Variants in TRRAP observed in about 807,000 individuals in gnomAD.
TRRAP encodes the protein transformation/transcription domain-associated protein.
In TRRAP, 41 loss-of-function variants were observed where a neutral mutation model predicts 438.8. That is an observed-to-expected ratio of 0.09 (90% confidence interval 0.07 to 0.12). The LOEUF is 0.12. Among genes scored for constraint, TRRAP ranks in the 10% least tolerant of loss-of-function variants. TRRAP has a pLI of 1.00. For synonymous variants in TRRAP, 1,994 were observed against 1,962.9 expected (o/e 1.02, Z -0.42); for missense variants, 3,122 against 5,055.1 (o/e 0.62, Z 11.60).
intron 67 of TRRAP, among the ~76,000 whole-genome samples, chr7:99,003,093 C>T (rs1241786724): frequency 6.6e-6 from 1 of 152,156 alleles, no homozygotes; most frequent in Non-Finnish European, 1.5e-5. Flanking sequence ...GGTGCCTCCT[C>T]GTGGCTCCCC....
chr7:98,997,382 C>T (rs2116827803), intron 67 of TRRAP, among the ~76,000 whole-genome samples: 1 of 148,912 alleles, frequency 6.7e-6, no homozygotes, highest in South Asian at 2.1e-4. Flanking sequence ...TACCAAGCCA[C>T]TCACCTAACT....
At chr7:98,937,062 T>C in intron 28 of TRRAP, 94 bp from the exon 29 acceptor site, 5 of 1,411,606 alleles carry the variant, frequency 3.5e-6, no homozygotes, top group Non-Finnish European at 2.8e-6. Flanking sequence ...ACACCTTCTC[T>C]ACCAAATAAT....
In TRRAP at chr7:98,878,823, C is replaced by T. The variant is rs540742843; in HGVS notation, c.-62+186C>T. On this transcript the variant is annotated intron_variant, in intron 1 of 72. Transcript: ENST00000456197. The stretch of plus-strand genomic sequence containing the variant: ...GGGGCCGATGGCGTTTGCGGCCGAG[C>T]TGAGAGGAAGCTGTGGGAGGCGCAG... 5.3e-4 allele frequency among the ~76,000 whole-genome samples: 81 copies of T among 152,196 alleles called. 1 individual carries two copies. The highest frequency in any genetic ancestry group is 1.9e-3 in the African/African-American group (77 of 41,568).
At position 98,949,499 on chromosome 7, in the gene TRRAP, C is replaced by CG. The variant is rs781980072; in HGVS notation, c.4877dup (p.Ala1627CysfsTer35). ...AACAGGTTCATCACCCTGCTGCTGC[C>CG]GGGGGGTGCCCAGACGGCTGTGCGC... On this transcript the variant is annotated frameshift_variant, in exon 36 of 73. Coordinates refer to ENST00000456197, the MANE Select transcript of TRRAP (RefSeq NM_001375524.1). LOFTEE classifies it high-confidence loss of function. 1 of 1,611,056 alleles carries CG rather than the reference C, an allele frequency of 6.2e-7. No individual in the cohort carries two copies.
At chr7:98,992,046 T>C (rs1584400388) in intron 64 of TRRAP, 91 bp from the exon 65 acceptor site, 1 of 1,435,302 alleles carries the variant, frequency 7.0e-7, no homozygotes, top group East Asian at 2.3e-5. Flanking sequence ...CACCTGTTTC[T>C]GACTTGACAT....
chr7:98,939,044 G>T (rs1191857094), intron 30 of TRRAP, among the ~76,000 whole-genome samples: 2 of 152,190 alleles, frequency 1.3e-5, no homozygotes, highest in Non-Finnish European at 2.9e-5. Flanking sequence ...GCGGATGGAG[G>T]ATTTCATCTG....
intron 28 of TRRAP, among the ~76,000 whole-genome samples, chr7:98,936,410 C>T (rs1487432433): frequency 1.3e-5 from 2 of 152,150 alleles, no homozygotes; most frequent in Non-Finnish European, 2.9e-5. Context: ...GGGGTCCCTT[C>T]TTTGGGGAAC....
chr7:99,003,156 GC>G (rs1794010940), intron 67 of TRRAP, among the ~76,000 whole-genome samples: 2 of 152,136 alleles, frequency 1.3e-5, no homozygotes, highest in Non-Finnish European at 2.9e-5. Context: ...ACCTCCAGTC[GC>G]CCTGGTGAGT....
At chr7:98,900,578 A>G (rs1454511525) in intron 10 of TRRAP, 46 bp from the exon 11 acceptor site, 1 of 1,498,966 alleles carries the variant, frequency 6.7e-7, no homozygotes, top group Non-Finnish European at 9.2e-7. Flanking sequence ...TAATACTAAC[A>G]TCACTCATAA....
intron 3 of TRRAP, among the ~76,000 whole-genome samples, chr7:98,887,729 CA>C (rs34834746): frequency 4.5e-5 from 4 of 88,658 alleles, no homozygotes; most frequent in Admixed American, 1.4e-4. Context: ...AACTCCGTCT[CA>C]AAAAAAAAAA....
rs111655372 is a variant in TRRAP, at chr7:98,879,188, C to T, written c.-62+551C>T. Among the ~76,000 whole-genome samples the T allele has an allele frequency of 5.1e-3, 782 of 152,298 alleles. 3 individuals carry two copies. Among genetic ancestry groups the T allele is most frequent in the African/African-American group, 0.017 (715 of 41,580 alleles). On this transcript the variant is annotated intron_variant, in intron 1 of 72. Transcript: ENST00000456197. ...TTTGTCCCCAGGAGTAGGAGCAGGC[C>T]CGGCGCCAGCCCGGCCTGGGCCTTC...
chr7:98,896,102 G>C (rs892337939), intron 7 of TRRAP, among the ~76,000 whole-genome samples: 2 of 152,124 alleles, frequency 1.3e-5, no homozygotes, highest in Non-Finnish European at 2.9e-5. Context: ...TTCATTTACT[G>C]GTAAGCAACC....
chr7:98,918,073 AT>A (rs1456217160), intron 20 of TRRAP, among the ~76,000 whole-genome samples: 2 of 151,312 alleles, frequency 1.3e-5, no homozygotes, highest in African/African-American at 4.9e-5. Flanking sequence ...GCGAGGCATG[AT>A]CACACTGCTG....
At chr7:98,984,028 C>G in intron 60 of TRRAP, 65 bp from the exon 61 acceptor site, 1 of 1,489,982 alleles carries the variant, frequency 6.7e-7, no homozygotes, top group Non-Finnish European at 8.9e-7. Context: ...TTTATTTAAG[C>G]CTTGTTGTGA....
chr7:98,955,382 C>A, intron 41 of TRRAP, 78 bp downstream of exon 41: 1 of 1,420,434 alleles, frequency 7.0e-7, no homozygotes, highest in South Asian at 1.4e-5. Context: ...TCTTGTTCTG[C>A]AATAATCAGG....
At chr7:98,963,658 C>T (rs1264546939) in intron 47 of TRRAP, among the ~76,000 whole-genome samples, 1 of 152,144 alleles carries the variant, frequency 6.6e-6, no homozygotes, top group Admixed American at 6.5e-5. Context: ...TCATGGGTTG[C>T]CTGGGTTACA....
At chr7:98,922,579 C>G (rs1554410820) in intron 21 of TRRAP, among the ~76,000 whole-genome samples, 1 of 152,160 alleles carries the variant, frequency 6.6e-6, no homozygotes, top group Admixed American at 6.5e-5. Context: ...TGGCTTTTCC[C>G]TCTGACTCTG....
chr7:99,011,545 C>T lies in TRRAP; in HGVS notation c.11337+10C>T, dbSNP rs1272471248. 6.2e-7 allele frequency: 1 copy of T among 1,611,144 alleles called. No homozygotes were observed. ...CCAGCCAAACTTTAAGGTGGGTCTCCACGTCGTCCTATCACAGGCGCAGGC... is the reference window on the plus strand; with the variant it reads ...CCAGCCAAACTTTAAGGTGGGTCTCTACGTCGTCCTATCACAGGCGCAGGC... On this transcript the variant is annotated intron_variant, in intron 72 of 72. Coordinates refer to ENST00000456197, the MANE Select transcript of TRRAP (RefSeq NM_001375524.1). The surrounding 1 kb of genome is among the most constrained non-coding windows in gnomAD (Gnocchi z 7.1).
rs976783148 is a variant in TRRAP, at chr7:98,908,179, T to C, written c.1116-549T>C. Among the ~76,000 whole-genome samples, 1 of 152,326 alleles carries C rather than the reference T, an allele frequency of 6.6e-6. No individual in the cohort carries two copies. Among genetic ancestry groups the C allele is most frequent in the African/African-American group, 2.4e-5 (1 of 41,578 alleles). ...CACATCCCCGCTAGCACTTACTAAC[T>C]TGTGTAGCTTATTTCTTTACTTGTG... On this transcript the variant is annotated intron_variant, in intron 13 of 72. Coordinates refer to ENST00000456197, the MANE Select transcript of TRRAP (RefSeq NM_001375524.1). The surrounding 1 kb of genome is among the most constrained non-coding windows in gnomAD (Gnocchi z 4.1).
Sources: allele counts gnomAD v4.1 joint callset (sites outside exome capture counted in the v4.1 genomes callset), GRCh38; gene constraint gnomAD v4.1.1; non-coding constraint Gnocchi (gnomAD v3.1); transcripts MANE v1.5; gene names NCBI Gene and HGNC (gene_info 2026-07-23, HGNC 2026-07-21).